The following CCDC136 variants were observed in gnomAD, a reference collection of about 807,000 sequenced individuals.
The protein encoded by CCDC136 is coiled-coil domain-containing protein 136.
A neutral mutation model predicts 141.2 loss-of-function variants in CCDC136; 100 were observed. The ratio of observed to expected loss-of-function variants is 0.71; its 90% CI spans 0.60 to 0.84. CCDC136 has a LOEUF of 0.84. Among genes scored for constraint, CCDC136 ranks in the 40% least tolerant of loss-of-function variants. The probability of loss-of-function intolerance (pLI) is 0.00; values close to 1 mark genes in which losing one functional copy is unlikely to be tolerated. For missense variants in CCDC136, 1,206 were observed against 1,379.4 expected (o/e 0.87, Z 1.99); for synonymous variants, 474 against 531.9 (o/e 0.89, Z 1.50).
intron 10 of CCDC136, chr7:128,809,118 A>C: frequency 2.7e-6 from 1 of 365,558 alleles, no homozygotes; most frequent in South Asian, 6.0e-5. Context: ...AATATGGTGT[A>C]TAAAGGAAAG....
chr7:128,805,219 T>A lies in CCDC136; in HGVS notation c.783-140T>A. ...GAGACTTTCTGTAGTCTTTTAAGCA[T>A]GTTTATCTGAGCGGTGAGTCACAAT... On this transcript the variant is annotated intron_variant, in intron 5 of 17. Transcript: ENST00000297788. This position sits in a 1 kb window ranked among gnomAD's most constrained non-coding sequence, Gnocchi z 4.6. 1.4e-6 allele frequency: 1 copy of A among 706,858 alleles called. No individual in the cohort carries two copies. 43.8% of individuals were successfully genotyped at this position (706,858 alleles called of 1,614,324 possible). A position where few individuals can be genotyped will look rare whatever the true frequency, so the allele number is the denominator to read the frequency against.
At position 128,809,558 on chromosome 7, in the gene CCDC136, A is replaced by G; in HGVS notation, c.1714A>G (p.Arg572Gly). The G allele has an allele frequency of 6.4e-7, 1 of 1,566,068 alleles. No individual in the cohort carries two copies. The highest frequency in any genetic ancestry group is 8.7e-7 in the Non-Finnish European group (1 of 1,155,958). ...GCAGTGTGAGCTCCTGGAGGATCAG[A>G]GGAGGATGCAGGAGGAGCAGGGCCA... is the stretch of plus-strand genomic sequence containing the variant. ...MEQCELLEDQ[R>G]RMQEEQGQLQ... The change falls in exon 11 of 18, where the codon AGG becomes GGG. Residue 572 changes from arginine (R) to glycine (G), a missense_variant. Arg to Gly is a moderately radical substitution (Grantham distance 125, BLOSUM62 -2). Transcript: ENST00000297788.
chr7:128,805,253 C>A lies in CCDC136; in HGVS notation c.783-106C>A, dbSNP rs1266763453. On this transcript the variant is annotated intron_variant, in intron 5 of 17. Transcript: ENST00000297788. The surrounding 1 kb of genome is among the most constrained non-coding windows in gnomAD (Gnocchi z 4.6). ...GAGCGGTGAGTCACAATAGAAGGCCCCTTACTATCTTTGGCCTAAAATGAA... is the reference window on the plus strand; with the variant it reads ...GAGCGGTGAGTCACAATAGAAGGCCACTTACTATCTTTGGCCTAAAATGAA... The A allele has an allele frequency of 1.8e-5, 16 of 907,294 alleles. No individual in the cohort carries two copies. In the African/African-American group the frequency reaches 2.3e-4, roughly 13 times the overall value. 56.2% of individuals were successfully genotyped at this position (907,294 alleles called of 1,614,324 possible).
At position 128,809,643 on chromosome 7, in the gene CCDC136, A is replaced by C. The variant is rs765601514; in HGVS notation, c.1799A>C (p.Lys600Thr). Residue 600 changes from lysine (K) to threonine (T), a missense_variant and splice_region_variant, in exon 11 of 18, where the codon AAG (lysine) becomes ACG (threonine). Physicochemically the swap from Lys to Thr is moderately conservative, Grantham distance 78. Transcript: ENST00000297788. The part of the protein sequence containing the change: ...LPLPKSGLLL[K>T]SQELLTKLED... ...CTGCCAAAGAGTGGCCTCTTACTCA[A>C]GGTAACTCTGCCACAGGCAGCTGCT... The C allele has an allele frequency of 6.6e-7, 1 of 1,513,816 alleles. No homozygotes were observed. Among genetic ancestry groups the C allele is most frequent in the Non-Finnish European group, 8.9e-7 (1 of 1,128,140 alleles). 93.8% of individuals were successfully genotyped at this position (1,513,816 alleles called of 1,614,324 possible). A position where few individuals can be genotyped will look rare whatever the true frequency, so the allele number is the denominator to read the frequency against.
At chr7:128,819,348 G>A (rs557837876) in intron 17 of CCDC136, among the ~76,000 whole-genome samples, 3 of 152,292 alleles carry the variant, frequency 2.0e-5, no homozygotes, top group South Asian at 2.1e-4. Flanking sequence ...GCTGCCAGGC[G>A]GTCAGAAGAA....
At position 128,821,669 on chromosome 7, in the gene CCDC136, T is replaced by A; in HGVS notation, c.*6-130T>A. 1.7e-6 allele frequency: 1 copy of A among 583,212 alleles called. No individual in the cohort carries two copies. Among genetic ancestry groups the A allele is most frequent in the Admixed American group, 2.7e-5 (1 of 37,344 alleles). 36.1% of individuals were successfully genotyped at this position (583,212 alleles called of 1,614,324 possible). ...TGAGAGATCACTTACCTCCACCGGT[T>A]ACCCAGGAGGTAACAGAGACTGATC... is the stretch of plus-strand genomic sequence containing the variant. On this transcript the variant is annotated intron_variant, in intron 17 of 17. Transcript: ENST00000297788. The surrounding 1 kb of genome is among the most constrained non-coding windows in gnomAD (Gnocchi z 5.1).
chr7:128,798,378 A>T (rs1197697222), intron 3 of CCDC136, among the ~76,000 whole-genome samples: 1 of 151,984 alleles, frequency 6.6e-6, no homozygotes, highest in East Asian at 1.9e-4. Context: ...CAGCTTCGCG[A>T]GTAGCTGGGA....
At position 128,810,300 on chromosome 7, in the gene CCDC136, C is replaced by A; in HGVS notation, c.1962C>A (p.Phe654Leu). 2 of 1,613,992 alleles carry A rather than the reference C, an allele frequency of 1.2e-6. No individual in the cohort carries two copies. The highest frequency in any genetic ancestry group is 1.1e-5 in the South Asian group (1 of 91,064). Reference sequence around the variant, plus strand: ...TGCGACGTTTCAAAGAGTCTCATTTCCAGGAAGTGTTGGAGAATCCCGATG... The same window carrying A: ...TGCGACGTTTCAAAGAGTCTCATTTACAGGAAGTGTTGGAGAATCCCGATG... ...EELRRFKESH[F>L]QEVLENPDDS... The change falls in exon 12 of 18, where the codon TTC becomes TTA. Residue 654 changes from phenylalanine (F) to leucine (L), a missense_variant. Coordinates refer to ENST00000297788, the MANE Select transcript of CCDC136 (RefSeq NM_022742.5).
chr7:128,811,905 G>A lies in CCDC136; in HGVS notation c.2134G>A (p.Glu712Lys). The A allele has an allele frequency of 6.2e-7, 1 of 1,613,920 alleles. No homozygotes were observed. The highest frequency in any genetic ancestry group is 8.5e-7 in the Non-Finnish European group (1 of 1,179,824). ...LQQEQGRLLE[E>K]RKRLQADLQL... Reference sequence around the variant, plus strand: ...GCAAGAGCAAGGGAGGCTCCTAGAGGAGCGGAAGAGGCTGCAGGCAGACTT... The same window carrying A: ...GCAAGAGCAAGGGAGGCTCCTAGAGAAGCGGAAGAGGCTGCAGGCAGACTT... Residue 712 changes from glutamate to lysine, a missense_variant, in exon 13 of 18, where the codon GAG (glutamate) becomes AAG (lysine). Transcript: ENST00000297788.
chr7:128,812,901 C>T lies in CCDC136; in HGVS notation c.2735C>T (p.Pro912Leu). The T allele has an allele frequency of 1.2e-6, 2 of 1,609,950 alleles. No individual in the cohort carries two copies. The highest frequency in any genetic ancestry group is 1.7e-6 in the Non-Finnish European group (2 of 1,178,116). ...GAGTGCATGGAATGCCTTGAAAAGC[C>T]CATGGCCCCCCAGAACGACAAGAAT... ...FKECMECLEK[P>L]MAPQNDKNEI... The change falls in exon 14 of 18, where the codon CCC (proline) becomes CTC (leucine). Residue 912 changes from proline (P) to leucine (L), a missense_variant. Transcript: ENST00000297788.
At position 128,792,266 on chromosome 7, in the gene CCDC136, C is replaced by A; in HGVS notation, c.-146C>A. 2 of 1,536,768 alleles carry A rather than the reference C, an allele frequency of 1.3e-6. No homozygotes were observed. On this transcript the variant is annotated 5_prime_UTR_variant, in exon 1 of 18. Coordinates refer to ENST00000297788, the MANE Select transcript of CCDC136 (RefSeq NM_022742.5). ...CATGTCCCCTTCTTTCCTCTGCACC[C>A]CAGCCCGCAGCCAGCCCCCCACCCC...
chr7:128,816,059 C>T, intron 16 of CCDC136, 128 bp downstream of exon 16: 1 of 852,086 alleles, frequency 1.2e-6, no homozygotes, highest in Non-Finnish European at 1.8e-6. Flanking sequence ...TAAGGCACAA[C>T]CCTTCGGGGA....
upstream of CCDC136, chr7:128,791,354 C>CG (rs994645091): frequency 2.7e-5 from 13 of 472,962 alleles, no homozygotes; most frequent in Non-Finnish European, 6.6e-6. This position sits in a 1 kb window ranked among gnomAD's most constrained non-coding sequence, Gnocchi z 7.1. Context: ...CGGCGAGCGG[C>CG]GGGGGGCGGT....
chr7:128,806,678 T>C lies in CCDC136; in HGVS notation c.1249-10T>C, dbSNP rs771167227. 2.0e-5 allele frequency: 32 copies of C among 1,607,074 alleles called. No individual in the cohort carries two copies. The highest frequency in any genetic ancestry group is 2.5e-5 in the Non-Finnish European group (30 of 1,177,666). ...CCCAAAGGCACTGCCCAAAGCCCCC[T>C]CTACCATAGGAGTTACTGTGCCGGC... On this transcript the variant is annotated splice_polypyrimidine_tract_variant and intron_variant, in intron 8 of 17. Transcript: ENST00000297788.
rs1328522749 is a variant in CCDC136 at position 128,792,116 on chromosome 7, G to C, written c.-296G>C. The C allele has an allele frequency of 7.2e-7, 1 of 1,398,584 alleles. No homozygotes were observed. The highest frequency in any genetic ancestry group is 3.1e-5 in the Admixed American group (1 of 32,490). 86.6% of individuals were successfully genotyped at this position (1,398,584 alleles called of 1,614,324 possible). A position where few individuals can be genotyped will look rare whatever the true frequency, so the allele number is the denominator to read the frequency against. On this transcript the variant is annotated 5_prime_UTR_variant, in exon 1 of 18. Coordinates refer to ENST00000297788, the MANE Select transcript of CCDC136 (RefSeq NM_022742.5). ...GCAAGCAAGAGGGTCCTGGAACAGC[G>C]GGTTCTGAGGAGGCTGGGAGGCAGG...
chr7:128,803,728 A>G (rs897813208), intron 4 of CCDC136, among the ~76,000 whole-genome samples: 3 of 152,090 alleles, frequency 2.0e-5, no homozygotes, highest in African/African-American at 7.2e-5. Flanking sequence ...GAGTATTTCA[A>G]CCGGATCTCT....
chr7:128,810,414 A>G (rs1190502294), intron 12 of CCDC136, 48 bp downstream of exon 12: 1 of 1,386,084 alleles, frequency 7.2e-7, no homozygotes, highest in African/African-American at 1.4e-5. Flanking sequence ...GCACAACAGC[A>G]TGGCAGAGAG....
chr7:128,793,891 C>G (rs1157347447), intron 1 of CCDC136, among the ~76,000 whole-genome samples: 1 of 152,240 alleles, frequency 6.6e-6, no homozygotes, highest in African/African-American at 2.4e-5. Context: ...GGATTACAGG[C>G]ATGAGCCAGC....
chr7:128,792,089 G>C lies in CCDC136; in HGVS notation c.-323G>C. On this transcript the variant is annotated 5_prime_UTR_variant, in exon 1 of 18. Coordinates refer to ENST00000297788, the MANE Select transcript of CCDC136 (RefSeq NM_022742.5). Reference sequence around the variant, plus strand: ...ATACGCACACCCCCTCTTTCTTTCTGTGCAAGCAAGAGGGTCCTGGAACAG... The same window carrying C: ...ATACGCACACCCCCTCTTTCTTTCTCTGCAAGCAAGAGGGTCCTGGAACAG... 1 of 1,361,876 alleles carries C rather than the reference G, an allele frequency of 7.3e-7. No individual in the cohort carries two copies. Among genetic ancestry groups the C allele is most frequent in the East Asian group, 3.1e-5 (1 of 32,118 alleles). 84.4% of individuals were successfully genotyped at this position (1,361,876 alleles called of 1,614,324 possible). A position where few individuals can be genotyped will look rare whatever the true frequency, so the allele number is the denominator to read the frequency against.
Sources: allele counts gnomAD v4.1 joint callset (sites outside exome capture counted in the v4.1 genomes callset), GRCh38; gene constraint gnomAD v4.1.1; non-coding constraint Gnocchi (gnomAD v3.1); transcripts MANE v1.5; gene names NCBI Gene and HGNC (gene_info 2026-07-23, HGNC 2026-07-21).